Variants in PCDH7 observed in about 807,000 individuals in gnomAD.
PCDH7 encodes protocadherin-7.
In PCDH7, 17 loss-of-function variants were observed where a neutral mutation model predicts 58.9. The ratio of observed to expected loss-of-function variants is 0.29; its 90% CI spans 0.20 to 0.43. PCDH7 has a LOEUF of 0.43. Ranked by LOEUF, PCDH7 falls within the 20% of genes least tolerant of loss-of-function variation. The pLI is 1.00. For missense variants in PCDH7, 1,274 were observed against 1,441.0 expected, an observed-to-expected ratio of 0.88 and a Z score of 1.88; for synonymous variants, 664 against 616.4, an observed-to-expected ratio of 1.08 and a Z score of -1.14.
chr4:31,008,216 A>G (rs574893665), intron 3 of PCDH7, among the ~76,000 whole-genome samples: 12 of 152,264 alleles, frequency 7.9e-5, no homozygotes, highest in Non-Finnish European at 1.5e-4. Context: ...CATTTTCTTC[A>G]TGCTATTGAG....
intron 1 of PCDH7, among the ~76,000 whole-genome samples, chr4:30,840,356 T>C (rs1353455748): frequency 2.0e-5 from 3 of 152,130 alleles, no homozygotes; most frequent in Non-Finnish European, 4.4e-5. Flanking sequence ...TCAGTGCCAG[T>C]GTGGTAACCT....
At chr4:31,072,427 A>G (rs1038662276) in intron 3 of PCDH7, among the ~76,000 whole-genome samples, 3 of 152,116 alleles carry the variant, frequency 2.0e-5, no homozygotes, top group African/African-American at 7.2e-5. Context: ...ATAAGCAAAC[A>G]TAATGTGGAA....
At position 30,956,758 on chromosome 4, in the gene PCDH7, T is replaced by C. The variant is rs201693173; in HGVS notation, c.*7+6543T>C. On this transcript the variant is annotated intron_variant, in intron 3 of 3. Transcript: ENST00000509759. ...ACTTGTGATCCAGATTTTCTGAATC[T>C]CAATTCAGAGTAACCAAATTTACTG... Among the ~76,000 whole-genome samples the C allele has an allele frequency of 7.9e-5, 12 of 152,336 alleles. No homozygotes were observed. The East Asian group carries it at 2.3e-3, about 29-fold the overall frequency.
intron 2 of PCDH7, among the ~76,000 whole-genome samples, chr4:30,922,531 A>C (rs1743312956): frequency 6.6e-6 from 1 of 152,138 alleles, no homozygotes; most frequent in Admixed American, 6.6e-5. Context: ...ATATATGACA[A>C]ACACATATCG....
intron 3 of PCDH7, among the ~76,000 whole-genome samples, chr4:31,082,039 GCCTC>G (rs2109270372): frequency 6.6e-6 from 1 of 152,210 alleles, no homozygotes; most frequent in East Asian, 1.9e-4. Context: ...GCCCACCTTG[GCCTC>G]CCAAAGTGCT....
intron 3 of PCDH7, among the ~76,000 whole-genome samples, chr4:31,023,048 C>T (rs556073466): frequency 1.1e-4 from 17 of 152,130 alleles, no homozygotes; most frequent in Admixed American, 4.6e-4. Flanking sequence ...GAAATGAGAG[C>T]GAAACCGGCA....
intron 3 of PCDH7, among the ~76,000 whole-genome samples, chr4:31,141,651 A>C (rs1720268838): frequency 6.6e-6 from 1 of 152,218 alleles, no homozygotes; most frequent in Non-Finnish European, 1.5e-5. Context: ...TAGAAGTAAA[A>C]GTCATTTCCC....
At chr4:31,105,151 C>T (rs921419247) in intron 3 of PCDH7, among the ~76,000 whole-genome samples, 54 of 152,174 alleles carry the variant, frequency 3.5e-4, no homozygotes, top group African/African-American at 1.3e-3. Flanking sequence ...CTGATGTGTT[C>T]ATTCTCACTG....
intron 3 of PCDH7, among the ~76,000 whole-genome samples, chr4:31,072,675 G>A (rs1361729346): frequency 2.0e-5 from 3 of 152,054 alleles, no homozygotes; most frequent in Admixed American, 1.3e-4. Context: ...ACAGAGTTGT[G>A]TTATCTCAAT....
chr4:31,113,948 G>T (rs1019096980), intron 3 of PCDH7, among the ~76,000 whole-genome samples: 1 of 147,304 alleles, frequency 6.8e-6, no homozygotes, highest in South Asian at 2.2e-4. Flanking sequence ...TTCTCTTGCC[G>T]CAGCCTCCCT....
intron 3 of PCDH7, among the ~76,000 whole-genome samples, chr4:31,115,090 C>A (rs185186652): frequency 6.6e-6 from 1 of 152,162 alleles, no homozygotes; most frequent in Non-Finnish European, 1.5e-5. Context: ...CCTCCCTCCT[C>A]CACTTTCGCT....
chr4:31,053,982 C>A (rs1052161918), intron 3 of PCDH7, among the ~76,000 whole-genome samples: 1 of 152,002 alleles, frequency 6.6e-6, no homozygotes, highest in Non-Finnish European at 1.5e-5. Context: ...TTTTTTGAGA[C>A]ATGGTCTTGT....
intron 1 of PCDH7, among the ~76,000 whole-genome samples, chr4:30,896,912 T>TTTTTTTTTTTTTTTTTTG (rs1739483228): frequency 8.5e-6 from 1 of 117,422 alleles, no homozygotes. Flanking sequence ...TTTTTTTTTT[T>TTTTTTTTTTTTTTTTTTG]TTTTTTTTTT....
At chr4:31,139,003 A>G (rs868026773) in intron 3 of PCDH7, among the ~76,000 whole-genome samples, 3 of 151,500 alleles carry the variant, frequency 2.0e-5, no homozygotes, top group Non-Finnish European at 4.4e-5. Context: ...AAGAAAAAAA[A>G]CTCTACTTTC....
intron 1 of PCDH7, among the ~76,000 whole-genome samples, chr4:30,896,782 A>C (rs1435916374): frequency 6.6e-6 from 1 of 151,630 alleles, no homozygotes; most frequent in Non-Finnish European, 1.5e-5. Context: ...AAAACACACA[A>C]ATTATTTGCA....
chr4:30,935,908 T>A (rs1336082417), intron 2 of PCDH7, among the ~76,000 whole-genome samples: 2 of 152,028 alleles, frequency 1.3e-5, no homozygotes, highest in Non-Finnish European at 2.9e-5. Context: ...TGCAATACAA[T>A]TGGAGCACAA....
At chr4:30,972,224 A>C (rs745450114) in intron 3 of PCDH7, among the ~76,000 whole-genome samples, 54 of 152,222 alleles carry the variant, frequency 3.5e-4, no homozygotes, top group Non-Finnish European at 6.9e-4. Flanking sequence ...TCTGAACACC[A>C]GTATTTCATT....
At chr4:30,971,324 T>A (rs2109473136) in intron 3 of PCDH7, among the ~76,000 whole-genome samples, 1 of 152,288 alleles carries the variant, frequency 6.6e-6, no homozygotes, top group South Asian at 2.1e-4. Flanking sequence ...AAACCAAGGC[T>A]CCAATTACTC....
chr4:30,736,538 T>TTA (rs1553875699), downstream of PCDH7, among the ~76,000 whole-genome samples: 12 of 114,548 alleles, frequency 1.0e-4, no homozygotes, highest in African/African-American at 3.6e-4. Flanking sequence ...TTCATTTATT[T>TTA]TTTTTTTTTT....
Sources: allele counts gnomAD v4.1 joint callset (sites outside exome capture counted in the v4.1 genomes callset), GRCh38; gene constraint gnomAD v4.1.1; transcripts MANE v1.5; gene names NCBI Gene and HGNC (gene_info 2026-07-23, HGNC 2026-07-21).